GPT: variants seen among roughly 807,000 people sequenced by gnomAD.
The protein encoded by GPT is glutamic--pyruvic transaminase, also known as alanine aminotransferase 1.
Under a neutral mutation model 51.4 loss-of-function variants are expected in GPT, and 60 were observed. The observed-to-expected ratio is 1.17, with a 90% CI of 0.95 to 1.45. The LOEUF (loss-of-function observed/expected upper bound fraction) is 1.45, where lower values mean the gene tolerates loss of function less well. Ranked by LOEUF, GPT falls within the 40% of genes most tolerant of loss-of-function variation. The probability of loss-of-function intolerance (pLI) is 0.00; values close to 1 mark genes in which losing one functional copy is unlikely to be tolerated. For synonymous variants in GPT, 397 were observed against 303.1 expected, an observed-to-expected ratio of 1.31 and a Z score of -3.22; for missense variants, 853 against 704.0, an observed-to-expected ratio of 1.21 and a Z score of -2.40.
rs773993974 is a variant in GPT, at chr8:144,504,847, G to A, written c.329G>A (p.Arg110His). Residue 110 changes from arginine to histidine, a missense_variant, in exon 3 of 11, where the codon CGC (arginine) becomes CAC (histidine). By Grantham distance (29) the Arg-to-His change is conservative. Coordinates refer to ENST00000394955, the MANE Select transcript of GPT (RefSeq NM_005309.3). ...FPDDAKKRAE[R>H]ILQACGGHSL... ...GACGATGCCAAGAAAAGGGCGGAGC[G>A]CATCTTGCAGGCGTGTGGGGGCCAC... 13 of 1,613,330 alleles carry A rather than the reference G, an allele frequency of 8.1e-6. No individual in the cohort carries two copies. The highest frequency in any genetic ancestry group is 4.4e-5 in the South Asian group (4 of 91,088).
Position 144,506,603 on chromosome 8 carries a change from A to G in GPT, c.1234A>G (p.Met412Val). The G allele has an allele frequency of 6.8e-7, 1 of 1,481,448 alleles. No homozygotes were observed. Among genetic ancestry groups the G allele is most frequent in the East Asian group, 2.8e-5 (1 of 35,314 alleles). 91.8% of individuals were successfully genotyped at this position (1,481,448 alleles called of 1,614,324 possible). ...CAGCTGCAACCCAGTGCAGGGCGCC[A>G]TGTACTCCTTCCCGCGCGTGCAGCT... The part of the protein sequence containing the change: ...GISCNPVQGA[M>V]YSFPRVQLPP... The change falls in exon 9 of 11, where the codon ATG becomes GTG. Residue 412 changes from methionine to valine, a missense_variant. Coordinates refer to ENST00000394955, the MANE Select transcript of GPT (RefSeq NM_005309.3). This position sits in a 1 kb window ranked among gnomAD's most constrained non-coding sequence, Gnocchi z 7.0.
Position 144,506,200 on chromosome 8 carries a change from C to T in GPT, c.957-32C>T, listed in dbSNP as rs765525168. On this transcript the variant is annotated intron_variant, in intron 7 of 10. Transcript: ENST00000394955. This position sits in a 1 kb window ranked among gnomAD's most constrained non-coding sequence, Gnocchi z 7.0. Reference sequence around the variant, plus strand: ...GGCCCTCCTCGCCCGATGGGCCACCCCCTCCTCCGCACCTGACCTGGCCGT... The same window carrying T: ...GGCCCTCCTCGCCCGATGGGCCACCTCCTCCTCCGCACCTGACCTGGCCGT... 1.2e-6 allele frequency: 2 copies of T among 1,601,726 alleles called. No homozygotes were observed. The highest frequency in any genetic ancestry group is 2.3e-5 in the East Asian group (1 of 44,374).
In GPT at chr8:144,506,662, G is replaced by C; in HGVS notation, c.1287+6G>C. On this transcript the variant is annotated splice_donor_region_variant and intron_variant, in intron 9 of 10. Coordinates refer to ENST00000394955, the MANE Select transcript of GPT (RefSeq NM_005309.3). This position sits in a 1 kb window ranked among gnomAD's most constrained non-coding sequence, Gnocchi z 7.0. ...GGGCGGTGGAGCGCGCTCAGGTCAG[G>C]CGGGGGCGGGGCCTGCGGGGTGGGC... 1 of 1,558,892 alleles carries C rather than the reference G, an allele frequency of 6.4e-7. No individual in the cohort carries two copies. Among genetic ancestry groups the C allele is most frequent in the Non-Finnish European group, 8.7e-7 (1 of 1,151,638 alleles).
At chr8:144,504,514 C>G in intron 1 of GPT, 48 bp downstream of exon 1, 1 of 1,608,100 alleles carries the variant, frequency 6.2e-7, no homozygotes, top group Admixed American at 1.7e-5. Context: ...ATGGGGTGGC[C>G]GAGTTGGCCC....
chr8:144,505,279 C>G lies in GPT; in HGVS notation c.529C>G (p.His177Asp), dbSNP rs753411777. ...GAAGCTGCTGGTGGCCGGCGAGGGC[C>G]ACACACGCACGGGTGTGCTCATCCC... Reference protein sequence around the residue: ...VLKLLVAGEGHTRTGVLIPIP... With the variant: ...VLKLLVAGEGDTRTGVLIPIP... The change falls in exon 5 of 11, where the codon CAC (histidine) becomes GAC (aspartate). Residue 177 changes from histidine to aspartate, a missense_variant. Coordinates refer to ENST00000394955, the MANE Select transcript of GPT (RefSeq NM_005309.3). 1.9e-6 allele frequency: 3 copies of G among 1,586,718 alleles called. No homozygotes were observed. The South Asian group carries it at 3.4e-5, about 18-fold the overall frequency.
At position 144,506,197 on chromosome 8, in the gene GPT, A is replaced by AC; in HGVS notation, c.957-30dup. On this transcript the variant is annotated intron_variant, in intron 7 of 10. Transcript: ENST00000394955. This position sits in a 1 kb window ranked among gnomAD's most constrained non-coding sequence, Gnocchi z 7.0. The stretch of plus-strand genomic sequence containing the variant: ...CCAGGCCCTCCTCGCCCGATGGGCC[A>AC]CCCCCTCCTCCGCACCTGACCTGGC... The AC allele has an allele frequency of 6.2e-7, 1 of 1,600,752 alleles. No homozygotes were observed. Among genetic ancestry groups the AC allele is most frequent in the African/African-American group, 1.3e-5 (1 of 74,682 alleles).
At position 144,504,378 on chromosome 8, in the gene GPT, G is replaced by T. The variant is rs142640247; in HGVS notation, c.74G>T (p.Gly25Val). The T allele has an allele frequency of 2.5e-6, 4 of 1,611,614 alleles. No homozygotes were observed. The South Asian group carries it at 4.4e-5, about 18-fold the overall frequency. The stretch of plus-strand genomic sequence containing the variant: ...AGGGCGAAGGTGCTGACGCTGGACG[G>T]CATGAACCCGCGTGTGCGGAGAGTG... ...GLRAKVLTLD[G>V]MNPRVRRVEY... Residue 25 changes from glycine to valine, a missense_variant, in exon 1 of 11, where the codon GGC becomes GTC. Transcript: ENST00000394955.
In GPT at chr8:144,506,924, C is replaced by A. The variant is rs746049991; in HGVS notation, c.1415C>A (p.Pro472His). 1.9e-6 allele frequency: 3 copies of A among 1,612,802 alleles called. No homozygotes were observed. The change falls in exon 11 of 11, where the codon CCC becomes CAC. Residue 472 changes from proline (P) to histidine (H), a missense_variant. By Grantham distance (77) the Pro-to-His change is moderately conservative. Transcript: ENST00000394955. The surrounding 1 kb of genome is among the most constrained non-coding windows in gnomAD (Gnocchi z 7.0). ...GTYHFRMTILPPLEKLRLLLE... is the reference protein window; with the variant it reads ...GTYHFRMTILHPLEKLRLLLE... ...ACTCCTTTCAGGATGACCATTCTGCCCCCCTTGGAGAAACTGCGGCTGCTG... is the reference window on the plus strand; with the variant it reads ...ACTCCTTTCAGGATGACCATTCTGCACCCCTTGGAGAAACTGCGGCTGCTG...
Position 144,504,297 on chromosome 8 carries a change from G to T in GPT, c.-8G>T. The T allele has an allele frequency of 6.2e-7, 1 of 1,607,280 alleles. No individual in the cohort carries two copies. ...TGAGCTGCCTTCCCGCCTGGTCTGG[G>T]TAGAGTCATGGCCTCGAGCACAGGT... is the stretch of plus-strand genomic sequence containing the variant. On this transcript the variant is annotated 5_prime_UTR_variant, in exon 1 of 11. Transcript: ENST00000394955.
Position 144,507,075 on chromosome 8 carries a change from G to A in GPT, c.*75G>A. On this transcript the variant is annotated 3_prime_UTR_variant, in exon 11 of 11. Transcript: ENST00000394955. ...GCCCTGGGAGGCTCTGGAGCCCACT[G>A]TACTTGCTCTTGATGCCTGGCGGGG... 1.9e-6 allele frequency: 1 copy of A among 513,996 alleles called. No homozygotes were observed. The highest frequency in any genetic ancestry group is 1.4e-5 in the South Asian group (1 of 69,024). The allele number at this position is 513,996 out of a possible 1,614,324, so 31.8% of individuals were successfully genotyped here.
In GPT at chr8:144,505,718, C is replaced by T; in HGVS notation, c.740-130C>T. 2 of 676,492 alleles carry T rather than the reference C, an allele frequency of 3.0e-6. 1 individual carries two copies. Among genetic ancestry groups the T allele is most frequent in the Non-Finnish European group, 4.8e-6 (2 of 418,280 alleles). The allele number at this position is 676,492 out of a possible 1,614,324, so 41.9% of individuals were successfully genotyped here. On this transcript the variant is annotated intron_variant, in intron 5 of 10. Coordinates refer to ENST00000394955, the MANE Select transcript of GPT (RefSeq NM_005309.3). Reference sequence around the variant, plus strand: ...GCCCACGGTGCGTTCCCCGCCGCCCCGCCCCACTCCTCCCGCACCCACGTG... The same window carrying T: ...GCCCACGGTGCGTTCCCCGCCGCCCTGCCCCACTCCTCCCGCACCCACGTG...
upstream of GPT, among the ~76,000 whole-genome samples, chr8:144,503,511 C>T (rs1231589958): frequency 8.5e-5 from 13 of 152,112 alleles, no homozygotes; most frequent in Admixed American, 7.9e-4. Flanking sequence ...TGTCCCAGGG[C>T]TCAGGGCTGG....
In GPT at chr8:144,506,858, T is replaced by C; in HGVS notation, c.1400+15T>C. On this transcript the variant is annotated intron_variant, in intron 10 of 10. Transcript: ENST00000394955. This position sits in a 1 kb window ranked among gnomAD's most constrained non-coding sequence, Gnocchi z 7.0. ...TACCACTTCCGGTGAGGCCTGGCCC[T>C]CACTCCCTGTCCCGCCACCCTGGCC... 1 of 1,612,138 alleles carries C rather than the reference T, an allele frequency of 6.2e-7. No individual in the cohort carries two copies. The highest frequency in any genetic ancestry group is 1.6e-4 in the Middle Eastern group (1 of 6,062).
Position 144,505,835 on chromosome 8 carries a change from C to T in GPT, c.740-13C>T. ...TTGGCTCACCCAGCACTGCTGCCTC[C>T]CCGGCACCCCAGGGCAGGTGCAGAC... On this transcript the variant is annotated splice_polypyrimidine_tract_variant and intron_variant, in intron 5 of 10. Transcript: ENST00000394955. The T allele has an allele frequency of 6.5e-7, 1 of 1,544,034 alleles. No individual in the cohort carries two copies.
chr8:144,503,875 C>T, upstream of GPT: 1 of 245,102 alleles, frequency 4.1e-6, no homozygotes, highest in Non-Finnish European at 8.1e-6. Context: ...CACCCCTTCA[C>T]CTCCTGAGCA....
At position 144,504,869 on chromosome 8, in the gene GPT, CCA is replaced by C. The variant is rs1375604307; in HGVS notation, c.354_355del (p.His118GlnfsTer23). 8.1e-6 allele frequency: 13 copies of C among 1,613,258 alleles called. No homozygotes were observed. The highest frequency in any genetic ancestry group is 4.5e-5 in the East Asian group (2 of 44,892). Reference sequence around the variant, plus strand: ...AGCGCATCTTGCAGGCGTGTGGGGGCCACAGTCTGGGTGAGAGCCAGGGCCAG... The same window carrying C: ...AGCGCATCTTGCAGGCGTGTGGGGGCCAGTCTGGGTGAGAGCCAGGGCCAG... The part of the protein sequence containing the change: ...AERILQACGG[H>X]SLGAYSVSSG... On this transcript the variant is annotated frameshift_variant, in exon 3 of 11. Coordinates refer to ENST00000394955, the MANE Select transcript of GPT (RefSeq NM_005309.3). LOFTEE classifies it high-confidence loss of function.
chr8:144,503,555 C>T (rs377311669), upstream of GPT, among the ~76,000 whole-genome samples: 108 of 151,922 alleles, frequency 7.1e-4, no homozygotes, highest in South Asian at 0.018. Context: ...CCCAGCCCCT[C>T]GCAGTGCTCA....
At position 144,507,114 on chromosome 8, in the gene GPT, G is replaced by GGGGGGGGGGGGGT; in HGVS notation, c.*114_*115insGGGGGGGGGGGGT. The GGGGGGGGGGGGGT allele has an allele frequency of 2.0e-6, 1 of 498,332 alleles. No homozygotes were observed. The highest frequency in any genetic ancestry group is 1.5e-5 in the South Asian group (1 of 65,282). The allele number at this position is 498,332 out of a possible 1,614,324, so 30.9% of individuals were successfully genotyped here. On this transcript the variant is annotated 3_prime_UTR_variant, in exon 11 of 11. Coordinates refer to ENST00000394955, the MANE Select transcript of GPT (RefSeq NM_005309.3). ...TGCCTGGCGGGGTGGGGTGGGGGGG[G>GGGGGGGGGGGGGT]TGCTGGGCCCCTGCCTCTCTGCAGG... is the stretch of plus-strand genomic sequence containing the variant.
intron 3 of GPT, 54 bp from the exon 4 acceptor site, chr8:144,504,944 G>A (rs1826710786): frequency 3.7e-6 from 6 of 1,612,980 alleles, no homozygotes; most frequent in South Asian, 3.3e-5. Context: ...AGTCCCTTGG[G>A]AGGGCTGAGG....
Sources: gnomAD v4.1 joint callset for allele counts (sites outside exome capture counted in the v4.1 genomes callset) on GRCh38, gnomAD v4.1.1 for gene constraint, Gnocchi (gnomAD v3.1) non-coding constraint, MANE v1.5 for transcripts, NCBI Gene and HGNC (gene_info 2026-07-23, HGNC 2026-07-21) for gene names.